The following KCNAB1 variants were observed in gnomAD, a reference collection of about 807,000 sequenced individuals.
KCNAB1 encodes the protein potassium voltage-gated channel subfamily A regulatory beta subunit 1.
KCNAB1 carries 35 observed loss-of-function variants against 64.6 expected under a neutral mutation model. The ratio of observed to expected loss-of-function variants is 0.54; its 90% CI spans 0.41 to 0.72. KCNAB1 has a LOEUF of 0.72. Ranked by LOEUF, KCNAB1 falls within the 30% of genes least tolerant of loss-of-function variation. The pLI is 0.00. For synonymous variants in KCNAB1, 177 were observed against 183.8 expected (o/e 0.96, Z 0.30); for missense variants, 401 against 512.9 (o/e 0.78, Z 2.11).
At chr3:156,135,735 A>T (rs1311968943) in intron 1 of KCNAB1, among the ~76,000 whole-genome samples, 1 of 152,178 alleles carries the variant, frequency 6.6e-6, no homozygotes, top group African/African-American at 2.4e-5. Context: ...GCCATTCTGC[A>T]CCCCAGCCTC....
At chr3:156,175,807 C>A in intron 1 of KCNAB1, 2 of 606,828 alleles carry the variant, frequency 3.3e-6, no homozygotes, top group South Asian at 1.6e-5. Context: ...TATTTGACGT[C>A]ACTTATGCAG....
intron 1 of KCNAB1, among the ~76,000 whole-genome samples, chr3:156,277,028 T>A (rs528896549): frequency 1.3e-5 from 2 of 152,246 alleles, no homozygotes; most frequent in African/African-American, 4.8e-5. Context: ...AGCTTTTGAT[T>A]TGAAGTGAGA....
intron 1 of KCNAB1, among the ~76,000 whole-genome samples, chr3:156,225,082 C>T (rs1342506293): frequency 6.6e-6 from 1 of 152,144 alleles, no homozygotes; most frequent in Non-Finnish European, 1.5e-5. Context: ...AAGCCAGAAT[C>T]ACCCTAATAC....
intron 1 of KCNAB1, among the ~76,000 whole-genome samples, chr3:156,246,969 G>T (rs187781983): frequency 2.2e-3 from 342 of 152,300 alleles, no homozygotes; most frequent in Non-Finnish European, 2.3e-3. Flanking sequence ...AGATTGGAAG[G>T]AGCTCTTTCA....
chr3:156,529,802 G>A (rs1484909081), intron 12 of KCNAB1, among the ~76,000 whole-genome samples: 2 of 152,224 alleles, frequency 1.3e-5, no homozygotes, highest in African/African-American at 4.8e-5. Context: ...CATTGCTGGT[G>A]ATGCCCCCAA....
rs1719158211 is a variant in KCNAB1 at position 156,537,806 on chromosome 3, A to C, written c.*1059A>C. 1 of 152,566 alleles carries C rather than the reference A, an allele frequency of 6.6e-6. No individual in the cohort carries two copies. The highest frequency in any genetic ancestry group is 1.5e-5 in the Non-Finnish European group (1 of 68,028). The allele number at this position is 152,566 out of a possible 1,614,324, so 9.5% of individuals were successfully genotyped here. On this transcript the variant is annotated 3_prime_UTR_variant, in exon 14 of 14. Transcript: ENST00000490337. ...ATTAGCACTGGGATTTTATAATATAATGTTTGGTATTTTTGAGGCATTGTT... is the reference window on the plus strand; with the variant it reads ...ATTAGCACTGGGATTTTATAATATACTGTTTGGTATTTTTGAGGCATTGTT...
chr3:156,198,971 A>ATTTTTTTTTTTTTTTTTTTTTTTTTT (rs1553819222), intron 1 of KCNAB1, among the ~76,000 whole-genome samples: 1 of 28,082 alleles, frequency 3.6e-5, no homozygotes, highest in Non-Finnish European at 7.2e-5. Flanking sequence ...TTTCCTTTTC[A>ATTTTTTTTTTTTTTTTTTTTTTTTTT]TATTTAGTGC....
intron 1 of KCNAB1, among the ~76,000 whole-genome samples, chr3:156,319,316 C>T (rs1432177124): frequency 6.6e-6 from 1 of 152,182 alleles, no homozygotes; most frequent in East Asian, 1.9e-4. Context: ...GCTCACACTA[C>T]ATTTCCTTCA....
At chr3:156,485,364 C>T (rs915255344) in intron 8 of KCNAB1, among the ~76,000 whole-genome samples, 3 of 152,004 alleles carry the variant, frequency 2.0e-5, no homozygotes, top group Non-Finnish European at 4.4e-5. Context: ...CTTTGTTTTT[C>T]CCTCTCTTGT....
intron 1 of KCNAB1, among the ~76,000 whole-genome samples, chr3:156,330,987 T>C (rs1723293307): frequency 6.6e-6 from 1 of 152,094 alleles, no homozygotes; most frequent in African/African-American, 2.4e-5. Context: ...GTGTGCAGGG[T>C]AGGGAGACTG....
intron 1 of KCNAB1, among the ~76,000 whole-genome samples, chr3:156,280,814 T>G (rs2108503427): frequency 6.6e-6 from 1 of 151,568 alleles, no homozygotes; most frequent in East Asian, 1.9e-4. Context: ...ACATTGATTT[T>G]GTATCCTGAG....
At chr3:156,135,545 G>A (rs1714293901) in intron 1 of KCNAB1, among the ~76,000 whole-genome samples, 1 of 152,146 alleles carries the variant, frequency 6.6e-6, no homozygotes, top group Admixed American at 6.5e-5. Context: ...ATTTTTAAGA[G>A]TTCTTCTAGC....
intron 1 of KCNAB1, among the ~76,000 whole-genome samples, chr3:156,387,339 A>G (rs962560438): frequency 6.6e-6 from 1 of 152,182 alleles, no homozygotes; most frequent in Non-Finnish European, 1.5e-5. Flanking sequence ...AGACAAGCCC[A>G]AAGGTTAGAA....
intron 1 of KCNAB1, among the ~76,000 whole-genome samples, chr3:156,183,919 TCAA>T (rs1333592468): frequency 6.6e-6 from 1 of 152,224 alleles, no homozygotes; most frequent in Non-Finnish European, 1.5e-5. Context: ...TACGTGATCT[TCAA>T]CAAGTTATTT....
chr3:156,195,929 T>G (rs1397299936), intron 1 of KCNAB1, among the ~76,000 whole-genome samples: 1 of 152,228 alleles, frequency 6.6e-6, no homozygotes. Flanking sequence ...GGTTTTATGC[T>G]TAAGTCTTTA....
chr3:156,347,306 C>T (rs1036302883), intron 1 of KCNAB1, among the ~76,000 whole-genome samples: 4 of 152,234 alleles, frequency 2.6e-5, no homozygotes, highest in Non-Finnish European at 4.4e-5. Flanking sequence ...TCACATCCAA[C>T]TCAGCTGCAA....
chr3:156,389,065 C>T (rs1712827082), intron 1 of KCNAB1, among the ~76,000 whole-genome samples: 3 of 152,170 alleles, frequency 2.0e-5, no homozygotes, highest in African/African-American at 7.2e-5. Context: ...TAAGTCAATT[C>T]TGAAGGTATA....
chr3:156,311,222 G>A (rs536713171), intron 1 of KCNAB1, among the ~76,000 whole-genome samples: 16 of 152,276 alleles, frequency 1.1e-4, no homozygotes, highest in African/African-American at 1.7e-4. Context: ...TGATTTAAAC[G>A]TCATGGAATT....
chr3:156,374,959 A>C (rs1711550258), intron 1 of KCNAB1, among the ~76,000 whole-genome samples: 1 of 136,258 alleles, frequency 7.3e-6, no homozygotes, highest in African/African-American at 3.3e-5. Flanking sequence ...AGCCAACATC[A>C]TTCTTTGATA....
Sources: allele counts gnomAD v4.1 joint callset (sites outside exome capture counted in the v4.1 genomes callset), GRCh38; gene constraint gnomAD v4.1.1; transcripts MANE v1.5; gene names NCBI Gene and HGNC (gene_info 2026-07-23, HGNC 2026-07-21).